Variants in CCDC157 observed in about 807,000 individuals in gnomAD.
CCDC157 encodes the protein coiled-coil domain containing 157.
CCDC157 carries 60 observed loss-of-function variants against 70.9 expected under a neutral mutation model. The ratio of observed to expected loss-of-function variants is 0.85; its 90% confidence interval spans 0.69 to 1.05. The LOEUF is 1.05. Ranked by LOEUF, CCDC157 falls within the 50% of genes least tolerant of loss-of-function variation. CCDC157 has a pLI of 0.00. For missense variants in CCDC157, 943 were observed against 984.2 expected (o/e 0.96, Z 0.56); for synonymous variants, 373 against 422.4 (o/e 0.88, Z 1.43).
rs1932704341 is a variant in CCDC157 at position 30,366,049 on chromosome 22, G to C, written c.49G>C (p.Asp17His). The C allele has an allele frequency of 1.9e-6, 3 of 1,605,918 alleles. No homozygotes were observed. The highest frequency in any genetic ancestry group is 3.3e-5 in the Admixed American group (2 of 60,002). Residue 17 changes from aspartate (D) to histidine (H), a missense_variant, in exon 3 of 12, where the codon GAC (aspartate) becomes CAC (histidine). Coordinates refer to ENST00000338306, the MANE Select transcript of CCDC157 (RefSeq NM_001017437.5). ...GGCCTGCATGGAGAGCCTGCGCACA[G>C]ACCTCACCGACCTGCAGGGTGCCAT... Reference protein sequence around the residue: ...SQACMESLRTDLTDLQGAIVD... With the variant: ...SQACMESLRTHLTDLQGAIVD...
At chr22:30,373,884 C>G (rs759562761) in intron 8 of CCDC157, 39 bp from the exon 9 acceptor site, 50 of 1,582,290 alleles carry the variant, frequency 3.2e-5, no homozygotes, top group Non-Finnish European at 4.3e-5. Flanking sequence ...TACCATGTAG[C>G]TCACTCAGGA....
At chr22:30,371,007 A>G (rs1932915492) in intron 5 of CCDC157, 57 bp downstream of exon 5, 5 of 1,534,568 alleles carry the variant, frequency 3.3e-6, no homozygotes, top group South Asian at 2.5e-5. Flanking sequence ...CAGCCTTTGC[A>G]TGGATGTTTG....
At chr22:30,370,980 G>T (rs1484925861) in intron 5 of CCDC157, 30 bp downstream of exon 5, 1 of 1,584,506 alleles carries the variant, frequency 6.3e-7, no homozygotes, top group South Asian at 1.1e-5. Flanking sequence ...GACGCCTGGT[G>T]CCCAGGGGCT....
chr22:30,363,838 C>G (rs548833650), intron 2 of CCDC157, among the ~76,000 whole-genome samples: 3 of 152,100 alleles, frequency 2.0e-5, no homozygotes, highest in Admixed American at 6.5e-5. Flanking sequence ...TAGGCATCCG[C>G]CATCATGTCC....
chr22:30,374,160 C>A, intron 9 of CCDC157, 69 bp downstream of exon 9: 1 of 1,516,960 alleles, frequency 6.6e-7, no homozygotes, highest in Non-Finnish European at 8.9e-7. Flanking sequence ...CTCGTGTGGG[C>A]AGGACACTGG....
chr22:30,376,998 A>G lies in CCDC157; in HGVS notation c.*253A>G, dbSNP rs1338398862. On this transcript the variant is annotated 3_prime_UTR_variant, in exon 12 of 12. Coordinates refer to ENST00000338306, the MANE Select transcript of CCDC157 (RefSeq NM_001017437.5). ...CTTCCCTCCCGACAGAGGCTGTGGG[A>G]TAGGAGAGTACACCCAGGGCAGAGG... 5 of 571,410 alleles carry G rather than the reference A, an allele frequency of 8.8e-6. No homozygotes were observed. The highest frequency in any genetic ancestry group is 1.6e-5 in the Non-Finnish European group (5 of 319,692). 35.4% of individuals were successfully genotyped at this position (571,410 alleles called of 1,614,324 possible). A position where few individuals can be genotyped will look rare whatever the true frequency, so the allele number is the denominator to read the frequency against.
At position 30,376,724 on chromosome 22, in the gene CCDC157, G is replaced by A. The variant is rs369351223; in HGVS notation, c.2238G>A (p.Gln746=). The part of the protein sequence containing the change: ...PGRGQASSAH[Q]PQERPM Reference sequence around the variant, plus strand: ...GGGGACAGGCCAGCTCTGCACACCAGCCCCAGGAGCGGCCCATGTAGCCTG... The same window carrying A: ...GGGGACAGGCCAGCTCTGCACACCAACCCCAGGAGCGGCCCATGTAGCCTG... The change falls in exon 12 of 12, where the codon CAG becomes CAA. Residue 746 remains glutamine (Q), a synonymous_variant. Coordinates refer to ENST00000338306, the MANE Select transcript of CCDC157 (RefSeq NM_001017437.5). 2 of 1,612,504 alleles carry A rather than the reference G, an allele frequency of 1.2e-6. No homozygotes were observed. The highest frequency in any genetic ancestry group is 1.3e-5 in the African/African-American group (1 of 75,040).
In CCDC157 at chr22:30,368,551, T is replaced by C. The variant is rs369066652; in HGVS notation, c.249-881T>C. 3.9e-5 allele frequency among the ~76,000 whole-genome samples: 6 copies of C among 152,226 alleles called. No homozygotes were observed. The East Asian group carries it at 1.2e-3, about 29-fold the overall frequency. Reference sequence around the variant, plus strand: ...GCTCTGCCAAAGCCATGCTCTGTCCTCTTTTCAGATGCTTTCCCGTTCCCC... The same window carrying C: ...GCTCTGCCAAAGCCATGCTCTGTCCCCTTTTCAGATGCTTTCCCGTTCCCC... On this transcript the variant is annotated intron_variant, in intron 3 of 11. Coordinates refer to ENST00000338306, the MANE Select transcript of CCDC157 (RefSeq NM_001017437.5).
intron 6 of CCDC157, 169 bp downstream of exon 6, chr22:30,371,896 C>A: frequency 1.4e-6 from 1 of 735,210 alleles, no homozygotes; most frequent in Non-Finnish European, 2.2e-6. Flanking sequence ...AACTGGGTTG[C>A]CACCTCCTAC....
rs147189543 is a variant in CCDC157 at position 30,375,571 on chromosome 22, G to A, written c.1765G>A (p.Asp589Asn). The change falls in exon 10 of 12, where the codon GAC becomes AAC. Residue 589 changes from aspartate to asparagine, a missense_variant. Physicochemically the swap from Asp to Asn is conservative, Grantham distance 23. Transcript: ENST00000338306. ...CATGGAGAGGCAAGTGCAGTCCAAC[G>A]ACATCCGCATCCGGGTCCTACAGGA... is the stretch of plus-strand genomic sequence containing the variant. Reference protein sequence around the residue: ...DHMERQVQSNDIRIRVLQEEN... With the variant: ...DHMERQVQSNNIRIRVLQEEN... 106 of 1,614,070 alleles carry A rather than the reference G, an allele frequency of 6.6e-5. No individual in the cohort carries two copies. Among genetic ancestry groups the A allele is most frequent in the Non-Finnish European group, 7.0e-5 (83 of 1,180,042 alleles).
chr22:30,370,710 G>A lies in CCDC157; in HGVS notation c.805G>A (p.Ala269Thr). The A allele has an allele frequency of 2.5e-6, 4 of 1,613,438 alleles. No homozygotes were observed. The highest frequency in any genetic ancestry group is 3.4e-6 in the Non-Finnish European group (4 of 1,179,840). Residue 269 changes from alanine (A) to threonine (T), a missense_variant, in exon 5 of 12, where the codon GCT becomes ACT. Coordinates refer to ENST00000338306, the MANE Select transcript of CCDC157 (RefSeq NM_001017437.5). ...QDSMGLRPLP[A>T]ATVGRWAAEQ... ...CAGCATGGGGCTCAGGCCACTGCCGGCTGCCACCGTGGGCCGCTGGGCAGC... is the reference window on the plus strand; with the variant it reads ...CAGCATGGGGCTCAGGCCACTGCCGACTGCCACCGTGGGCCGCTGGGCAGC...
chr22:30,377,743 C>T lies in CCDC157; in HGVS notation c.*998C>T. 5.2e-6 allele frequency: 1 copy of T among 192,570 alleles called. No individual in the cohort carries two copies. Among genetic ancestry groups the T allele is most frequent in the Non-Finnish European group, 1.1e-5 (1 of 90,244 alleles). 11.9% of individuals were successfully genotyped at this position (192,570 alleles called of 1,614,324 possible). A position where few individuals can be genotyped will look rare whatever the true frequency, so the allele number is the denominator to read the frequency against. On this transcript the variant is annotated 3_prime_UTR_variant, in exon 12 of 12. Transcript: ENST00000338306. ...GGGAGGCTGGGGTGCCCCGGGCACCCCCCTCACAGGGGAGCACCATCCCTC... is the reference window on the plus strand; with the variant it reads ...GGGAGGCTGGGGTGCCCCGGGCACCTCCCTCACAGGGGAGCACCATCCCTC...
chr22:30,361,143 G>A (rs1251855263), intron 1 of CCDC157, among the ~76,000 whole-genome samples: 1 of 151,880 alleles, frequency 6.6e-6, no homozygotes, highest in African/African-American at 2.4e-5. Flanking sequence ...AGCTACTCAG[G>A]AGGCTGAGAC....
chr22:30,363,979 G>C (rs1932542953), intron 2 of CCDC157, among the ~76,000 whole-genome samples: 1 of 152,172 alleles, frequency 6.6e-6, no homozygotes, highest in Non-Finnish European at 1.5e-5. Context: ...ATTGCGCCTG[G>C]CCTCAAAAGT....
intron 7 of CCDC157, 40 bp downstream of exon 7, chr22:30,372,326 T>C: frequency 6.8e-7 from 1 of 1,476,748 alleles, no homozygotes; most frequent in Non-Finnish European, 9.0e-7. Context: ...ATCTGCAATG[T>C]AGGCTGCAGG....
In CCDC157 at chr22:30,373,954, A is replaced by G. The variant is rs777822342; in HGVS notation, c.1535A>G (p.Gln512Arg). 3 of 1,612,530 alleles carry G rather than the reference A, an allele frequency of 1.9e-6. No homozygotes were observed. The highest frequency in any genetic ancestry group is 2.5e-6 in the Non-Finnish European group (3 of 1,179,432). ...ELLQSLQREK[Q>R]GLEQATTDLR... The stretch of plus-strand genomic sequence containing the variant: ...CTGCAGAGCCTGCAGAGGGAGAAGC[A>G]AGGCCTGGAGCAGGCGACTACGGAC... Residue 512 changes from glutamine to arginine, a missense_variant, in exon 9 of 12, where the codon CAA becomes CGA. By Grantham distance (43) the Gln-to-Arg change is conservative (BLOSUM62 1). Transcript: ENST00000338306.
rs183500359 is a variant in CCDC157, at chr22:30,370,119, G to A, written c.421-207G>A. 209 of 667,182 alleles carry A rather than the reference G, an allele frequency of 3.1e-4. No individual in the cohort carries two copies. In the Admixed American group the frequency reaches 4.0e-3, roughly 13 times the overall value. The allele number at this position is 667,182 out of a possible 1,614,324, so 41.3% of individuals were successfully genotyped here. On this transcript the variant is annotated intron_variant, in intron 4 of 11. Transcript: ENST00000338306. ...AAGCCTGGAGCTTGGGGTGCGGGCC[G>A]CAGAGAGGAGACCTGGCTGTAGTAA...
At chr22:30,364,748 G>A (rs1317753640) in intron 2 of CCDC157, among the ~76,000 whole-genome samples, 5 of 151,432 alleles carry the variant, frequency 3.3e-5, no homozygotes. Flanking sequence ...GGCTGAGGTG[G>A]AGGCTGCAGT....
chr22:30,356,847 T>TCAAGACAGCCTCCC (rs1023869863), upstream of CCDC157: 1 of 1,270,890 alleles, frequency 7.9e-7, no homozygotes, highest in African/African-American at 1.6e-5. Flanking sequence ...CGGTGCCGCC[T>TCAAGACAGCCTCCC]CAAGACAGCC....
Sources: gnomAD v4.1 joint callset for allele counts (sites outside exome capture counted in the v4.1 genomes callset) on GRCh38, gnomAD v4.1.1 for gene constraint, MANE v1.5 for transcripts, NCBI Gene and HGNC (gene_info 2026-07-23, HGNC 2026-07-21) for gene names.